Variants in MFSD8 observed in about 807,000 individuals in gnomAD.
The protein encoded by MFSD8 is major facilitator superfamily domain-containing protein 8.
Under a neutral mutation model 66.4 loss-of-function variants are expected in MFSD8, and 55 were observed. The observed-to-expected ratio is 0.83, with a 90% CI of 0.67 to 1.04. The LOEUF is 1.04. MFSD8 is among the 50% of genes least tolerant of loss of function. MFSD8 has a pLI of 0.00. For missense variants in MFSD8, 550 were observed against 627.6 expected (o/e 0.88, Z 1.32); for synonymous variants, 202 against 212.8 (o/e 0.95, Z 0.44).
chr4:127,958,153 T>C (rs1397486093), intron 1 of MFSD8, among the ~76,000 whole-genome samples: 3 of 152,194 alleles, frequency 2.0e-5, no homozygotes, highest in Admixed American at 2.0e-4. Flanking sequence ...AGATAAATTT[T>C]ATCAGCAGAC....
chr4:127,928,052 T>G (rs1435044168), intron 9 of MFSD8, among the ~76,000 whole-genome samples: 2 of 151,916 alleles, frequency 1.3e-5, no homozygotes, highest in Non-Finnish European at 2.9e-5. Context: ...TTATTTGTAT[T>G]TATTTATTTA....
At chr4:127,948,226 T>C (rs1449585812) in intron 3 of MFSD8, among the ~76,000 whole-genome samples, 1 of 152,076 alleles carries the variant, frequency 6.6e-6, no homozygotes, top group Non-Finnish European at 1.5e-5. Context: ...TGTTAGGTGA[T>C]GGTCAGGCGG....
At chr4:127,953,560 T>G (rs1428572621) in intron 2 of MFSD8, among the ~76,000 whole-genome samples, 27 of 139,410 alleles carry the variant, frequency 1.9e-4, no homozygotes, top group Middle Eastern at 3.5e-3. Context: ...TTTTTTTTTT[T>G]TTTTTTTTTT....
At position 127,920,563 on chromosome 4, in the gene MFSD8, T is replaced by A; in HGVS notation, c.*67A>T. 1 of 1,518,556 alleles carries A rather than the reference T, an allele frequency of 6.6e-7. No homozygotes were observed. The allele number at this position is 1,518,556 out of a possible 1,614,324, so 94.1% of individuals were successfully genotyped here. ...TTCTTGGAGACTGGCTCACCGCAAT[T>A]GTCTAGCAGAGCTTTAGACCAGGAA... On this transcript the variant is annotated 3_prime_UTR_variant, in exon 12 of 12. Transcript: ENST00000641686.
At position 127,921,511 on chromosome 4, in the gene MFSD8, G is replaced by A; in HGVS notation, c.1350+13C>T. On this transcript the variant is annotated intron_variant, in intron 11 of 11. Transcript: ENST00000641686. ...TATTTTCTATAATTGCAATGTCAGG[G>A]TACCTGGCTTACCTGAGGTTTTGGT... is the stretch of plus-strand genomic sequence containing the variant. 6.2e-7 allele frequency: 1 copy of A among 1,614,070 alleles called. No individual in the cohort carries two copies. Among genetic ancestry groups the A allele is most frequent in the Non-Finnish European group, 8.5e-7 (1 of 1,180,034 alleles).
chr4:127,943,384 T>G, intron 4 of MFSD8: 1 of 231,846 alleles, frequency 4.3e-6, no homozygotes, highest in Non-Finnish European at 8.5e-6. Flanking sequence ...TCTATTTTTG[T>G]TTTGGGTTTT....
chr4:127,953,730 G>A lies in MFSD8; in HGVS notation c.154+3771C>T, dbSNP rs188433351. On this transcript the variant is annotated intron_variant, in intron 2 of 11. Coordinates refer to ENST00000641686, the MANE Select transcript of MFSD8 (RefSeq NM_001371596.2). ...AAACTCCTGACCTCGTGATCCGCCC[G>A]CCTCAGCCTTGCAAAGTGCTGGGAT... is the stretch of plus-strand genomic sequence containing the variant. Among the ~76,000 whole-genome samples, 139 of 151,718 alleles carry A rather than the reference G, an allele frequency of 9.2e-4. 2 individuals are homozygous for A. Among genetic ancestry groups the A allele is most frequent in the African/African-American group, 3.0e-3 (124 of 41,406 alleles).
rs1231931087 is a variant in MFSD8, at chr4:127,949,698, A to C, written c.198+106T>G. ...GAACTATTATCTCATTATTCTTGTA[A>C]AGATTAAACCATAGAATACCAAAGA... On this transcript the variant is annotated intron_variant, in intron 3 of 11. Transcript: ENST00000641686. 5 of 933,726 alleles carry C rather than the reference A, an allele frequency of 5.4e-6. No homozygotes were observed. The African/African-American group carries it at 8.4e-5, about 16-fold the overall frequency. The allele number at this position is 933,726 out of a possible 1,614,324, so 57.8% of individuals were successfully genotyped here. A position where few individuals can be genotyped will look rare whatever the true frequency, so the allele number is the denominator to read the frequency against.
At chr4:127,954,673 G>C (rs1742564631) in intron 2 of MFSD8, among the ~76,000 whole-genome samples, 1 of 152,214 alleles carries the variant, frequency 6.6e-6, no homozygotes, top group Non-Finnish European at 1.5e-5. Context: ...CTGTGAATGT[G>C]AATCACAGGA....
intron 9 of MFSD8, among the ~76,000 whole-genome samples, chr4:127,929,597 G>T (rs1305066647): frequency 8.4e-6 from 1 of 119,124 alleles, no homozygotes; most frequent in Non-Finnish European, 1.8e-5. Flanking sequence ...TTTACAAAAA[G>T]AAAAAAAAAA....
intron 1 of MFSD8, among the ~76,000 whole-genome samples, chr4:127,957,917 A>T (rs1029770603): frequency 6.6e-6 from 1 of 152,220 alleles, no homozygotes; most frequent in African/African-American, 2.4e-5. Flanking sequence ...TGAATAAATT[A>T]CGTCAAGATA....
intron 2 of MFSD8, among the ~76,000 whole-genome samples, chr4:127,955,259 C>T (rs1056755716): frequency 6.6e-6 from 1 of 152,004 alleles, no homozygotes; most frequent in Non-Finnish European, 1.5e-5. Context: ...AATGGCTAAA[C>T]AAAATGTGGT....
chr4:127,932,280 T>G (rs923772282), intron 8 of MFSD8: 1 of 152,148 alleles, frequency 6.6e-6, no homozygotes, highest in African/African-American at 2.4e-5. Flanking sequence ...AATGACACAA[T>G]GTATTAACAA....
chr4:127,931,997 G>A (rs1242119400), intron 8 of MFSD8, among the ~76,000 whole-genome samples: 3 of 152,150 alleles, frequency 2.0e-5, no homozygotes, highest in African/African-American at 7.2e-5. Context: ...TGTGGTCCCA[G>A]CTACTTAGAG....
intron 9 of MFSD8, among the ~76,000 whole-genome samples, chr4:127,925,203 C>T (rs1346333103): frequency 6.6e-6 from 1 of 152,134 alleles, no homozygotes; most frequent in Admixed American, 6.5e-5. Context: ...ATGTCTAAAA[C>T]ACCAAAAGCA....
intron 1 of MFSD8, among the ~76,000 whole-genome samples, chr4:127,962,477 T>G (rs1743954629): frequency 6.7e-6 from 1 of 150,048 alleles, no homozygotes; most frequent in South Asian, 2.1e-4. Flanking sequence ...CAAAAAAAAG[T>G]ATAGCAGTGT....
intron 2 of MFSD8, 116 bp downstream of exon 2, chr4:127,957,385 C>T (rs770312988): frequency 1.3e-5 from 10 of 775,918 alleles, no homozygotes; most frequent in South Asian, 8.2e-5. Flanking sequence ...ATTTATGTCA[C>T]GTATTTTTTA....
chr4:127,930,697 C>T lies in MFSD8; in HGVS notation c.984G>A (p.Lys328=). The change falls in exon 9 of 12, where the codon AAG becomes AAA. Residue 328 remains lysine, a synonymous_variant. Coordinates refer to ENST00000641686, the MANE Select transcript of MFSD8 (RefSeq NM_001371596.2). ...VEAVVIFLGV[K]LLSKKIGERA... ...ACTTAACTTACTTTTTGGAAAGCAA[C>T]TTAACTCCTAAGAAAATAACAACGG... The T allele has an allele frequency of 6.2e-7, 1 of 1,613,234 alleles. No individual in the cohort carries two copies. The highest frequency in any genetic ancestry group is 8.5e-7 in the Non-Finnish European group (1 of 1,179,704).
chr4:127,952,967 TA>T (rs1742255784), intron 2 of MFSD8, among the ~76,000 whole-genome samples: 1 of 152,096 alleles, frequency 6.6e-6, no homozygotes, highest in African/African-American at 2.4e-5. Context: ...AATTGAGTAC[TA>T]AAAACCAGAA....
Sources: allele counts gnomAD v4.1 joint callset (sites outside exome capture counted in the v4.1 genomes callset), GRCh38; gene constraint gnomAD v4.1.1; transcripts MANE v1.5; gene names NCBI Gene and HGNC (gene_info 2026-07-23, HGNC 2026-07-21).